Variants in ADCY10 observed in about 807,000 individuals in gnomAD.
ADCY10 encodes adenylate cyclase 10, also known as adenylate cyclase type 10.
ADCY10 carries 156 observed loss-of-function variants against 183.3 expected under a neutral mutation model. The ratio of observed to expected loss-of-function variants is 0.85; its 90% CI spans 0.75 to 0.97. ADCY10 has a LOEUF of 0.97. Among genes scored for constraint, ADCY10 ranks in the 50% least tolerant of loss-of-function variants. ADCY10 has a pLI of 0.00. For missense variants in ADCY10, 1,745 were observed against 1,934.3 expected (o/e 0.90, Z 1.84); for synonymous variants, 645 against 670.0 (o/e 0.96, Z 0.58).
At chr1:167,811,058 G>T in intron 31 of ADCY10, 145 bp from the exon 32 acceptor site, 1 of 765,004 alleles carries the variant, frequency 1.3e-6, no homozygotes, top group Non-Finnish European at 2.2e-6. Flanking sequence ...TACACAGTAG[G>T]TATTGGAGAT....
At chr1:167,904,087 T>A in intron 2 of ADCY10, 96 bp from the exon 3 acceptor site, 1 of 598,770 alleles carries the variant, frequency 1.7e-6, no homozygotes, top group Non-Finnish European at 2.8e-6. Context: ...CTCAGCTTTT[T>A]TTTTTTTTTT....
intron 30 of ADCY10, chr1:167,820,015 CT>C: frequency 6.4e-7 from 1 of 1,559,986 alleles, no homozygotes; most frequent in Non-Finnish European, 8.8e-7. Context: ...GGACTTTCTT[CT>C]TTTTTCCTAT....
chr1:167,846,148 A>G lies in ADCY10; in HGVS notation c.2553T>C (p.Cys851=). ...TCTTGATCATCATCTTCATATTCCAACAGGGGAGAATCTCAAACAACAACT... is the reference window on the plus strand; with the variant it reads ...TCTTGATCATCATCTTCATATTCCAGCAGGGGAGAATCTCAAACAACAACT... ...TTELLFEILP[C]WNMKMMIKTL... The change falls in exon 20 of 33, where the codon TGT becomes TGC. Residue 851 remains cysteine (C), a synonymous_variant. Coordinates refer to ENST00000367851, the MANE Select transcript of ADCY10 (RefSeq NM_018417.6). 2 of 1,614,152 alleles carry G rather than the reference A, an allele frequency of 1.2e-6. No individual in the cohort carries two copies. Among genetic ancestry groups the G allele is most frequent in the Non-Finnish European group, 1.7e-6 (2 of 1,180,036 alleles).
chr1:167,829,368 G>T lies in ADCY10; in HGVS notation c.3649C>A (p.Arg1217Ser). 6.2e-7 allele frequency: 1 copy of T among 1,614,162 alleles called. No homozygotes were observed. The highest frequency in any genetic ancestry group is 8.5e-7 in the Non-Finnish European group (1 of 1,179,996). ...AAAAGATAACTGTAGCTATAGATGC[G>T]CCACAGCAAGGAAAGGCAGACAGTT... The part of the protein sequence containing the change: ...RQTVCLSLLW[R>S]IYSYSYLFHC... Residue 1217 changes from arginine to serine, a missense_variant, in exon 26 of 33, where the codon CGC (arginine) becomes AGC (serine). By Grantham distance (110) the Arg-to-Ser change is moderately radical (BLOSUM62 -1). Transcript: ENST00000367851.
Position 167,833,174 on chromosome 1 carries a change from TG to T in ADCY10, c.3418-13del, listed in dbSNP as rs1558160874. On this transcript the variant is annotated splice_polypyrimidine_tract_variant and intron_variant, in intron 24 of 32. Coordinates refer to ENST00000367851, the MANE Select transcript of ADCY10 (RefSeq NM_018417.6). ...ATATTGAAACAGACCTACAGGGAGG[TG>T]GGAGGGAAGAGAGGAAAAGAGGAAA... is the stretch of plus-strand genomic sequence containing the variant. 6.2e-7 allele frequency: 1 copy of T among 1,612,892 alleles called. No homozygotes were observed. Among genetic ancestry groups the T allele is most frequent in the East Asian group, 2.2e-5 (1 of 44,838 alleles).
At position 167,870,304 on chromosome 1, in the gene ADCY10, G is replaced by T. The variant is rs376910829; in HGVS notation, c.1569C>A (p.Ser523Arg). ...GGTACTCAATTTTCATAAGTATCTG[G>T]CTTTTTCCATATCCTGGTAATCCCT... Reference protein sequence around the residue: ...MYEGLPGYGKSQILMKIEYLA... With the variant: ...MYEGLPGYGKRQILMKIEYLA... Residue 523 changes from serine (S) to arginine (R), a missense_variant, in exon 14 of 33, where the codon AGC (serine) becomes AGA (arginine). Coordinates refer to ENST00000367851, the MANE Select transcript of ADCY10 (RefSeq NM_018417.6). 2 of 1,613,872 alleles carry T rather than the reference G, an allele frequency of 1.2e-6. No homozygotes were observed. The highest frequency in any genetic ancestry group is 2.7e-5 in the African/African-American group (2 of 74,898).
At chr1:167,913,072 T>C (rs1320001223) in intron 1 of ADCY10, among the ~76,000 whole-genome samples, 9 of 152,226 alleles carry the variant, frequency 5.9e-5, no homozygotes, top group South Asian at 2.1e-4. Flanking sequence ...TGCATGTTGA[T>C]GGTACCCTTA....
At chr1:167,820,062 A>C in intron 30 of ADCY10, 3 of 1,573,454 alleles carry the variant, frequency 1.9e-6, no homozygotes, top group South Asian at 2.2e-5. Context: ...CTCTTTCGTT[A>C]CTCATCCTTG....
At chr1:167,814,853 C>CTT (rs1662428446) in intron 31 of ADCY10, among the ~76,000 whole-genome samples, 5 of 152,078 alleles carry the variant, frequency 3.3e-5, no homozygotes, top group Non-Finnish European at 5.9e-5. Context: ...TTAGGCCACA[C>CTT]GTGGGCTCAT....
intron 5 of ADCY10, among the ~76,000 whole-genome samples, chr1:167,901,172 A>G (rs59986655): frequency 0.011 from 1,647 of 152,342 alleles, 30 homozygotes; most frequent in African/African-American, 0.03. Flanking sequence ...TATTATATGT[A>G]TAACTTTAAG....
intron 18 of ADCY10, among the ~76,000 whole-genome samples, chr1:167,851,865 T>C (rs567194046): frequency 1.3e-5 from 2 of 152,112 alleles, no homozygotes; most frequent in East Asian, 1.9e-4. Flanking sequence ...TAGTCTACTG[T>C]CCATATCCCA....
intron 1 of ADCY10, among the ~76,000 whole-genome samples, chr1:167,911,034 TA>T (rs987326825): frequency 6.6e-6 from 1 of 152,238 alleles, no homozygotes; most frequent in African/African-American, 2.4e-5. Flanking sequence ...ACTGTTTTGC[TA>T]AAGTTGTTAA....
intron 25 of ADCY10, among the ~76,000 whole-genome samples, chr1:167,831,213 G>A (rs1474175650): frequency 2.0e-5 from 3 of 150,866 alleles, no homozygotes; most frequent in Admixed American, 1.3e-4. Context: ...TTTTTGAGAC[G>A]GAGTCTCGCT....
At chr1:167,823,821 C>T (rs772185617) in intron 28 of ADCY10, among the ~76,000 whole-genome samples, 29 of 152,106 alleles carry the variant, frequency 1.9e-4, no homozygotes, top group Non-Finnish European at 3.2e-4. Context: ...TCAGGGTGAC[C>T]AGAGTCAGAG....
Position 167,854,449 on chromosome 1 carries a change from C to T in ADCY10, c.2212G>A (p.Glu738Lys), listed in dbSNP as rs749071893. The T allele has an allele frequency of 1.9e-6, 3 of 1,614,158 alleles. No homozygotes were observed. The South Asian group carries it at 3.3e-5, about 18-fold the overall frequency. Residue 738 changes from glutamate (E) to lysine (K), a missense_variant, in exon 18 of 33, where the codon GAA becomes AAA. Glu to Lys is a moderately conservative substitution (Grantham distance 56). Transcript: ENST00000367851. ...TGTTCCAGGTTTTTAAGCAATTCTT[C>T]ACAGTAAAATGGAATCCCACAGCTT... ...EGSCGIPFYC[E>K]ELLKNLEHHE...
At position 167,902,059 on chromosome 1, in the gene ADCY10, GAA is replaced by G. The variant is rs746507234; in HGVS notation, c.254-7_254-6del. 820 of 1,357,760 alleles carry G rather than the reference GAA, an allele frequency of 6.0e-4. No homozygotes were observed. The highest frequency in any genetic ancestry group is 1.7e-3 in the Admixed American group (92 of 53,618). 84.1% of individuals were successfully genotyped at this position (1,357,760 alleles called of 1,614,324 possible). ...CTCCTCCAAAAATCAACACTTCTGA[GAA>G]AAAAAAAAAAAATTAAATCAAACCC... On this transcript the variant is annotated splice_polypyrimidine_tract_variant and splice_region_variant and intron_variant, in intron 3 of 32. Transcript: ENST00000367851.
intron 24 of ADCY10, 119 bp downstream of exon 24, chr1:167,833,851 G>A: frequency 1.2e-6 from 1 of 807,604 alleles, no homozygotes; most frequent in Admixed American, 2.0e-5. Context: ...TAGAGTCTTG[G>A]CTAGAAGTCT....
intron 12 of ADCY10, among the ~76,000 whole-genome samples, chr1:167,878,167 A>G (rs1329316283): frequency 6.6e-6 from 1 of 152,222 alleles, no homozygotes; most frequent in Non-Finnish European, 1.5e-5. Flanking sequence ...GTGCAAATAG[A>G]TACTCAAATG....
intron 31 of ADCY10, among the ~76,000 whole-genome samples, chr1:167,814,556 A>G (rs1571202617): frequency 6.6e-6 from 1 of 152,086 alleles, no homozygotes; most frequent in East Asian, 1.9e-4. Context: ...AGACAGTTCT[A>G]TAATAGTAGT....
Sources: gnomAD v4.1 joint callset for allele counts (sites outside exome capture counted in the v4.1 genomes callset) on GRCh38, gnomAD v4.1.1 for gene constraint, MANE v1.5 for transcripts, NCBI Gene and HGNC (gene_info 2026-07-23, HGNC 2026-07-21) for gene names.